The following MCM4 variants were observed in gnomAD, a reference collection of about 807,000 sequenced individuals.
The protein encoded by MCM4 is DNA replication licensing factor MCM4.
In MCM4, 60 loss-of-function variants were observed where a neutral mutation model predicts 88.7. That is an observed-to-expected ratio of 0.68 (90% CI 0.55 to 0.84). MCM4 has a LOEUF of 0.84. Among genes scored for constraint, MCM4 ranks in the 40% least tolerant of loss-of-function variants. MCM4 has a pLI of 0.00. For missense variants in MCM4, 1,149 were observed against 1,105.5 expected, an observed-to-expected ratio of 1.04 and a Z score of -0.56; for synonymous variants, 465 against 410.5, an observed-to-expected ratio of 1.13 and a Z score of -1.61.
intron 3 of MCM4, 178 bp downstream of exon 3, chr8:47,961,858 C>T (rs978927125): frequency 7.3e-6 from 7 of 953,646 alleles, no homozygotes; most frequent in Non-Finnish European, 1.1e-5. Context: ...AGTTTTAGGG[C>T]TTAGTGAGCA....
In MCM4 at chr8:47,974,727, A is replaced by C. The variant is rs749944991; in HGVS notation, c.2137-7A>C. ...TGCTTTTGCTTTTGTTTTTCTACCT[A>C]CAATAGGCTTATGTAGACATGAGGA... On this transcript the variant is annotated splice_region_variant and splice_polypyrimidine_tract_variant and intron_variant, in intron 14 of 16. Transcript: ENST00000649973. The C allele has an allele frequency of 6.2e-7, 1 of 1,612,034 alleles. No homozygotes were observed. The highest frequency in any genetic ancestry group is 8.5e-7 in the Non-Finnish European group (1 of 1,178,380).
In MCM4 at chr8:47,972,989, A is replaced by G; in HGVS notation, c.2061A>G (p.Leu687=). Residue 687 remains leucine, a synonymous_variant, in exon 14 of 17, where the codon CTA becomes CTG. Coordinates refer to ENST00000649973, the MANE Select transcript of MCM4 (RefSeq NM_182746.3). ...AEEELLDMAV[L]KDYIAYAHST... ...AGGAGCTCCTGGACATGGCGGTGCT[A>G]AAGGACTACATTGCCTACGCGCACA... The G allele has an allele frequency of 6.2e-7, 1 of 1,614,162 alleles. No individual in the cohort carries two copies. The highest frequency in any genetic ancestry group is 8.5e-7 in the Non-Finnish European group (1 of 1,180,028).
intron 16 of MCM4, 28 bp from the exon 17 acceptor site, chr8:47,976,658 A>G (rs758821507): frequency 6.6e-6 from 10 of 1,526,370 alleles, no homozygotes; most frequent in Admixed American, 3.3e-5. Flanking sequence ...GACGTGTACA[A>G]TATTTATTTT....
At chr8:47,966,105 C>T in intron 8 of MCM4, 82 bp from the exon 9 acceptor site, 1 of 1,176,338 alleles carries the variant, frequency 8.5e-7, no homozygotes, top group South Asian at 1.3e-5. Flanking sequence ...TCTTGGGCAC[C>T]TAGCTCCTGT....
rs188119740 is a variant in MCM4, at chr8:47,976,722, G to A, written c.2536G>A (p.Ala846Thr). The A allele has an allele frequency of 3.7e-5, 59 of 1,613,618 alleles. No homozygotes were observed. Among genetic ancestry groups the A allele is most frequent in the Middle Eastern group, 3.3e-4 (2 of 6,062 alleles). Reference protein sequence around the residue: ...TKDMFEEALRALADDDFLTVT... With the variant: ...TKDMFEEALRTLADDDFLTVT... ...AGATATGTTTGAAGAAGCACTGCGT[G>A]CCCTGGCAGATGATGATTTCCTGAC... is the stretch of plus-strand genomic sequence containing the variant. Residue 846 changes from alanine (A) to threonine (T), a missense_variant, in exon 17 of 17, where the codon GCC (alanine) becomes ACC (threonine). Ala to Thr is a moderately conservative substitution (Grantham distance 58, BLOSUM62 0). Around this residue, in one of 3 missense-constraint regions of MCM4, gnomAD observed 238 missense variants for 241.6 expected, o/e 0.99. Transcript: ENST00000649973.
chr8:47,971,174 G>T, intron 12 of MCM4, 167 bp from the exon 13 acceptor site: 1 of 771,332 alleles, frequency 1.3e-6, no homozygotes, highest in Non-Finnish European at 2.1e-6. Flanking sequence ...TGAATCTGAG[G>T]ACAGGGCTTA....
chr8:47,976,533 A>G (rs2091001963), intron 16 of MCM4, among the ~76,000 whole-genome samples, 153 bp from the exon 17 acceptor site: 1 of 152,078 alleles, frequency 6.6e-6, no homozygotes, highest in Non-Finnish European at 1.5e-5. Context: ...CCATCTGGCT[A>G]CTCCACTCCT....
rs955851112 is a variant in MCM4, at chr8:47,974,944, A to G, written c.2347A>G (p.Ile783Val). ...TGATCCCCGGACTGGCATCGTGGACATATCTATTCTTACTACGGGTTCGTT... is the reference window on the plus strand; with the variant it reads ...TGATCCCCGGACTGGCATCGTGGACGTATCTATTCTTACTACGGGTTCGTT... ...ATDPRTGIVDISILTTGMSAT... is the reference protein window; with the variant it reads ...ATDPRTGIVDVSILTTGMSAT... The change falls in exon 15 of 17, where the codon ATA becomes GTA. Residue 783 changes from isoleucine (I) to valine (V), a missense_variant. Physicochemically the swap from Ile to Val is conservative, Grantham distance 29. This residue lies in a region of MCM4 where 238 missense variants were observed against 241.6 expected (regional missense o/e 0.99). Coordinates refer to ENST00000649973, the MANE Select transcript of MCM4 (RefSeq NM_182746.3). The G allele has an allele frequency of 4.3e-6, 7 of 1,612,476 alleles. No homozygotes were observed. Among genetic ancestry groups the G allele is most frequent in the Admixed American group, 3.3e-5 (2 of 59,706 alleles).
At chr8:47,961,973 A>G in intron 3 of MCM4, 80 bp from the exon 4 acceptor site, 2 of 1,309,748 alleles carry the variant, frequency 1.5e-6, no homozygotes, top group Non-Finnish European at 1.1e-6. Flanking sequence ...TGTTGCGATT[A>G]GATGGTATAG....
In MCM4 at chr8:47,974,930, C is replaced by G. The variant is rs752533055; in HGVS notation, c.2333C>G (p.Thr778Ser). The G allele has an allele frequency of 1.1e-5, 17 of 1,614,070 alleles. No homozygotes were observed. Among genetic ancestry groups the G allele is most frequent in the Non-Finnish European group, 1.4e-5 (16 of 1,180,022 alleles). Reference sequence around the variant, plus strand: ...AAGCAGTCTGCAACTGATCCCCGGACTGGCATCGTGGACATATCTATTCTT... The same window carrying G: ...AAGCAGTCTGCAACTGATCCCCGGAGTGGCATCGTGGACATATCTATTCTT... ...ALKQSATDPR[T>S]GIVDISILTT... is the part of the protein sequence containing the mutation. The change falls in exon 15 of 17, where the codon ACT becomes AGT. Residue 778 changes from threonine to serine, a missense_variant. Coordinates refer to ENST00000649973, the MANE Select transcript of MCM4 (RefSeq NM_182746.3).
At position 47,976,864 on chromosome 8, in the gene MCM4, A is replaced by G; in HGVS notation, c.*86A>G. 1 of 825,170 alleles carries G rather than the reference A, an allele frequency of 1.2e-6. No homozygotes were observed. The highest frequency in any genetic ancestry group is 2.1e-6 in the Non-Finnish European group (1 of 484,844). The allele number at this position is 825,170 out of a possible 1,614,324, so 51.1% of individuals were successfully genotyped here. On this transcript the variant is annotated 3_prime_UTR_variant, in exon 17 of 17. Coordinates refer to ENST00000649973, the MANE Select transcript of MCM4 (RefSeq NM_182746.3). ...GTCTGCATCTCAGTTGGCCGCCATC[A>G]GTGTAAATAGAGCTTAAAGTCATGG...
chr8:47,969,912 A>G lies in MCM4; in HGVS notation c.1289A>G (p.His430Arg), dbSNP rs751742828. 2.5e-6 allele frequency: 4 copies of G among 1,614,258 alleles called. No homozygotes were observed. Among genetic ancestry groups the G allele is most frequent in the Non-Finnish European group, 3.4e-6 (4 of 1,180,048 alleles). Residue 430 changes from histidine (H) to arginine (R), a missense_variant, in exon 11 of 17, where the codon CAT becomes CGT. His to Arg is a conservative substitution (Grantham distance 29). This residue lies in a region of MCM4 where 906 missense variants were observed against 843.0 expected (regional missense o/e 1.07). Transcript: ENST00000649973. ...CGGAAAACGGATGCAAAACGTCTGCATGGCCTTGATGAAGAAGCAGAACAG... is the reference window on the plus strand; with the variant it reads ...CGGAAAACGGATGCAAAACGTCTGCGTGGCCTTGATGAAGAAGCAGAACAG... ...HYRKTDAKRL[H>R]GLDEEAEQKL...
Position 47,976,836 on chromosome 8 carries a change from G to A in MCM4, c.*58G>A. On this transcript the variant is annotated 3_prime_UTR_variant, in exon 17 of 17. Transcript: ENST00000649973. ...CCTGCTTGCTGCACGCCACATGGGT[G>A]TGGTCTGCATCTCAGTTGGCCGCCA... 8.9e-7 allele frequency: 1 copy of A among 1,121,476 alleles called. No homozygotes were observed. The highest frequency in any genetic ancestry group is 2.4e-5 in the East Asian group (1 of 42,426). 69.5% of individuals were successfully genotyped at this position (1,121,476 alleles called of 1,614,324 possible).
At chr8:47,968,454 G>A (rs1298000219) in intron 10 of MCM4, among the ~76,000 whole-genome samples, 2 of 152,174 alleles carry the variant, frequency 1.3e-5, no homozygotes, top group Non-Finnish European at 2.9e-5. Flanking sequence ...AAAGTATTTA[G>A]TCCAATATTT....
chr8:47,961,032 G>C lies in MCM4; in HGVS notation c.-15+18G>C. ...TTTCCACGGTAACCGCGCGCCGGCG[G>C]GGAGGGCGTGGCGCGGAGCCGACGG... On this transcript the variant is annotated intron_variant, in intron 1 of 16. Transcript: ENST00000649973. The C allele has an allele frequency of 8.5e-7, 1 of 1,170,142 alleles. No individual in the cohort carries two copies. Among genetic ancestry groups the C allele is most frequent in the Non-Finnish European group, 1.1e-6 (1 of 879,476 alleles). 72.5% of individuals were successfully genotyped at this position (1,170,142 alleles called of 1,614,324 possible).
At chr8:47,964,736 C>G in intron 8 of MCM4, 24 bp downstream of exon 8, 1 of 1,522,148 alleles carries the variant, frequency 6.6e-7, no homozygotes, top group Non-Finnish European at 8.8e-7. Flanking sequence ...CATAGGATTA[C>G]TTTTGTTGAA....
At chr8:47,972,782 A>G in intron 13 of MCM4, 75 bp from the exon 14 acceptor site, 1 of 1,205,264 alleles carries the variant, frequency 8.3e-7, no homozygotes, top group Non-Finnish European at 1.2e-6. Flanking sequence ...GTCTCAAACT[A>G]CCAACCTCAG....
chr8:47,968,486 G>A (rs2090921323), intron 10 of MCM4, among the ~76,000 whole-genome samples: 1 of 152,194 alleles, frequency 6.6e-6, no homozygotes, highest in Non-Finnish European at 1.5e-5. Flanking sequence ...CCTACAAAGT[G>A]GAGTTAATGT....
intron 8 of MCM4, among the ~76,000 whole-genome samples, chr8:47,965,485 G>T (rs2090890075): frequency 2.0e-5 from 3 of 152,244 alleles, no homozygotes; most frequent in African/African-American, 7.2e-5. Context: ...CAACAAAATT[G>T]TAGAGGTCTC....
Sources: allele counts gnomAD v4.1 joint callset (sites outside exome capture counted in the v4.1 genomes callset), GRCh38; gene constraint gnomAD v4.1.1; regional missense constraint gnomAD v4.1.1; transcripts MANE v1.5; gene names NCBI Gene and HGNC (gene_info 2026-07-23, HGNC 2026-07-21).